Variants in CACNA1B observed in about 807,000 individuals in gnomAD.
The protein encoded by CACNA1B is voltage-dependent N-type calcium channel subunit alpha-1B.
Under a neutral mutation model 247.2 loss-of-function variants are expected in CACNA1B, and 70 were observed. The ratio of observed to expected loss-of-function variants is 0.28; its 90% CI spans 0.23 to 0.35. The LOEUF (loss-of-function observed/expected upper bound fraction) is 0.35. Ranked by LOEUF, CACNA1B falls within the 10% of genes least tolerant of loss-of-function variation. The pLI is 1.00. For synonymous variants in CACNA1B, 1,231 were observed against 1,294.4 expected, an observed-to-expected ratio of 0.95 and a Z score of 1.05; for missense variants, 2,367 against 3,197.4, an observed-to-expected ratio of 0.74 and a Z score of 6.26.
chr9:137,952,197 T>G lies in CACNA1B; in HGVS notation c.967-77T>G. ...GTGTGCTTCTGAGAAGGAGGCCTGT[T>G]GGGGGCTGGGGGTGCTCCTGTGGCC... On this transcript the variant is annotated intron_variant, in intron 6 of 46. Coordinates refer to ENST00000371372, the MANE Select transcript of CACNA1B (RefSeq NM_000718.4). The surrounding 1 kb of genome is among the most constrained non-coding windows in gnomAD (Gnocchi z 4.8). 1 of 1,149,568 alleles carries G rather than the reference T, an allele frequency of 8.7e-7. No homozygotes were observed. Among genetic ancestry groups the G allele is most frequent in the Non-Finnish European group, 1.3e-6 (1 of 764,536 alleles). 71.2% of individuals were successfully genotyped at this position (1,149,568 alleles called of 1,614,324 possible).
In CACNA1B at chr9:138,025,023, C is replaced by G; in HGVS notation, c.3137C>G (p.Thr1046Ser). Residue 1046 changes from threonine (T) to serine (S), a missense_variant, in exon 20 of 47, where the codon ACC (threonine) becomes AGC (serine). This residue lies in a region of CACNA1B where 631 missense variants were observed against 631.1 expected (regional missense o/e 1.00). Transcript: ENST00000371372. ...GGTCCCATGCACACACTGCCCAGCA[C>G]CTGTCTCCAGAAGGTGGAGGAACAG... Reference protein sequence around the residue: ...TVGPMHTLPSTCLQKVEEQPE... With the variant: ...TVGPMHTLPSSCLQKVEEQPE... The G allele has an allele frequency of 6.2e-7, 1 of 1,604,818 alleles. No homozygotes were observed. Among genetic ancestry groups the G allele is most frequent in the Non-Finnish European group, 8.5e-7 (1 of 1,175,716 alleles).
At chr9:137,902,427 C>T (rs985844900) in intron 3 of CACNA1B, among the ~76,000 whole-genome samples, 5 of 151,972 alleles carry the variant, frequency 3.3e-5, no homozygotes, top group Admixed American at 2.0e-4. Flanking sequence ...GGCTTCAGGG[C>T]GTAGAAAGTA....
chr9:137,975,751 C>G (rs1476450115), intron 11 of CACNA1B, among the ~76,000 whole-genome samples, 156 bp from the exon 12 acceptor site: 1 of 152,230 alleles, frequency 6.6e-6, no homozygotes, highest in Non-Finnish European at 1.5e-5. Flanking sequence ...TCCATCGTTC[C>G]TTTCCTAGGC....
intron 15 of CACNA1B, among the ~76,000 whole-genome samples, chr9:137,995,206 C>T (rs1217692027): frequency 1.9e-5 from 2 of 107,400 alleles, no homozygotes; most frequent in Non-Finnish European, 2.1e-5. Flanking sequence ...GAGTGAGACT[C>T]CGTCTCAAAA....
At chr9:137,985,546 C>G (rs1321893084) in intron 13 of CACNA1B, among the ~76,000 whole-genome samples, 1 of 152,218 alleles carries the variant, frequency 6.6e-6, no homozygotes, top group African/African-American at 2.4e-5. Context: ...GCCATTAGCC[C>G]TCAGGTACTT....
chr9:138,080,573 C>T (rs868343775), intron 36 of CACNA1B, among the ~76,000 whole-genome samples: 10 of 152,030 alleles, frequency 6.6e-5, no homozygotes, highest in South Asian at 4.2e-4. Flanking sequence ...AGGCAGCGGT[C>T]GTCCCATCTC....
intron 15 of CACNA1B, among the ~76,000 whole-genome samples, chr9:137,999,302 C>G (rs1196543786): frequency 1.3e-5 from 2 of 152,072 alleles, no homozygotes; most frequent in Non-Finnish European, 2.9e-5. Flanking sequence ...TTTAGATAAG[C>G]AGGCACCGTT....
rs755264488 is a variant in CACNA1B, at chr9:138,059,183, G to C, written c.4578G>C (p.Gly1526=). The C allele has an allele frequency of 1.9e-6, 3 of 1,600,482 alleles. No homozygotes were observed. The highest frequency in any genetic ancestry group is 2.6e-6 in the Non-Finnish European group (3 of 1,167,950). Residue 1526 remains glycine, a synonymous_variant, in exon 30 of 47, where the codon GGG becomes GGC. Transcript: ENST00000371372. The surrounding 1 kb of genome is among the most constrained non-coding windows in gnomAD (Gnocchi z 4.2). ...MECVLKIIAF[G]VLNYFRDAWN... The stretch of plus-strand genomic sequence containing the variant: ...GCGTGCTGAAGATCATCGCCTTTGG[G>C]GTGCTGGTACGTGCTTTGGTCCCTG...
chr9:138,102,588 G>T lies in CACNA1B; in HGVS notation c.5223-123G>T, dbSNP rs1046115796. 3 of 537,904 alleles carry T rather than the reference G, an allele frequency of 5.6e-6. No individual in the cohort carries two copies. The highest frequency in any genetic ancestry group is 1.9e-5 in the African/African-American group (1 of 51,420). The allele number at this position is 537,904 out of a possible 1,614,324, so 33.3% of individuals were successfully genotyped here. A position where few individuals can be genotyped will look rare whatever the true frequency, so the allele number is the denominator to read the frequency against. On this transcript the variant is annotated intron_variant, in intron 37 of 46. Transcript: ENST00000371372. The surrounding 1 kb of genome is among the most constrained non-coding windows in gnomAD (Gnocchi z 5.4). Reference sequence around the variant, plus strand: ...TTGAATCCGACACTTTGATTAACTGGCTCTGTTTTCTTGTCTGCTTCCTCC... The same window carrying T: ...TTGAATCCGACACTTTGATTAACTGTCTCTGTTTTCTTGTCTGCTTCCTCC...
intron 20 of CACNA1B, among the ~76,000 whole-genome samples, chr9:138,041,306 A>G (rs1031683998): frequency 6.6e-6 from 1 of 152,178 alleles, no homozygotes; most frequent in African/African-American, 2.4e-5. Flanking sequence ...TAATCTGGAA[A>G]GGGGAACCTG....
chr9:137,961,930 T>G (rs538932113), intron 10 of CACNA1B, among the ~76,000 whole-genome samples: 1 of 152,194 alleles, frequency 6.6e-6, no homozygotes, highest in East Asian at 1.9e-4. Context: ...TTTACAATTG[T>G]TTAGAATAGT....
intron 10 of CACNA1B, among the ~76,000 whole-genome samples, chr9:137,959,481 G>A (rs767327481): frequency 2.0e-5 from 3 of 151,914 alleles, no homozygotes; most frequent in African/African-American, 7.3e-5. Context: ...ATGAATTGAA[G>A]AGTTAAAATG....
chr9:137,908,314 GA>G (rs1264312592), intron 3 of CACNA1B, among the ~76,000 whole-genome samples: 2 of 152,050 alleles, frequency 1.3e-5, no homozygotes, highest in Non-Finnish European at 2.9e-5. Context: ...TCAGGAGTTC[GA>G]GACCAGCCTG....
intron 6 of CACNA1B, among the ~76,000 whole-genome samples, chr9:137,920,084 G>C (rs544608408): frequency 6.6e-6 from 1 of 152,172 alleles, no homozygotes; most frequent in Non-Finnish European, 1.5e-5. Flanking sequence ...GCAAAGAGGG[G>C]CCGTGTCTTT....
chr9:138,028,023 CTTTTTT>C (rs541594878), intron 20 of CACNA1B, among the ~76,000 whole-genome samples: 3 of 98,748 alleles, frequency 3.0e-5, no homozygotes, highest in African/African-American at 8.6e-5. Flanking sequence ...CCCCCCCAAC[CTTTTTT>C]TTTTTTTTTT....
chr9:137,911,298 G>A (rs547638375), intron 3 of CACNA1B, among the ~76,000 whole-genome samples: 1 of 152,298 alleles, frequency 6.6e-6, no homozygotes, highest in East Asian at 1.9e-4. Flanking sequence ...TTCAATAGTT[G>A]ATCCTGCTGA....
rs760297997 is a variant in CACNA1B at position 137,882,767 on chromosome 9, C to T, written c.414C>T (p.Ile138=). ...ERLDDTEPYF[I]GIFCFEAGIK... ...AGGACGACACGGAGCCCTATTTCATCGGGATCTTTTGCTTCGAGGCAGGGA... is the reference window on the plus strand; with the variant it reads ...AGGACGACACGGAGCCCTATTTCATTGGGATCTTTTGCTTCGAGGCAGGGA... The change falls in exon 3 of 47, where the codon ATC becomes ATT. Residue 138 remains isoleucine, a synonymous_variant. Coordinates refer to ENST00000371372, the MANE Select transcript of CACNA1B (RefSeq NM_000718.4). This position sits in a 1 kb window ranked among gnomAD's most constrained non-coding sequence, Gnocchi z 4.0. 1.6e-5 allele frequency: 26 copies of T among 1,613,860 alleles called. No individual in the cohort carries two copies. Among genetic ancestry groups the T allele is most frequent in the South Asian group, 5.5e-5 (5 of 91,084 alleles).
At chr9:137,975,836 C>T (rs1302449564) in intron 11 of CACNA1B, 71 bp from the exon 12 acceptor site, 1 of 912,010 alleles carries the variant, frequency 1.1e-6, no homozygotes, top group Non-Finnish European at 1.8e-6. Context: ...GTCTGGTGTC[C>T]TCCAGTCTGG....
intron 6 of CACNA1B, among the ~76,000 whole-genome samples, chr9:137,936,561 A>G (rs994737164): frequency 6.6e-6 from 1 of 152,172 alleles, no homozygotes; most frequent in African/African-American, 2.4e-5. Flanking sequence ...GCCCATGTCT[A>G]TGTCCTGAAT....
Sources: allele counts gnomAD v4.1 joint callset (sites outside exome capture counted in the v4.1 genomes callset), GRCh38; gene constraint gnomAD v4.1.1; regional missense constraint gnomAD v4.1.1; non-coding constraint Gnocchi (gnomAD v3.1); transcripts MANE v1.5; gene names NCBI Gene and HGNC (gene_info 2026-07-23, HGNC 2026-07-21).